The following MAST4 variants were observed in gnomAD, a reference collection of about 807,000 sequenced individuals.
The protein encoded by MAST4 is microtubule associated serine/threonine kinase family member 4.
Under a neutral mutation model 162.7 loss-of-function variants are expected in MAST4, and 89 were observed. The observed-to-expected ratio is 0.55, with a 90% CI of 0.46 to 0.65. MAST4 has a LOEUF of 0.65. Ranked by LOEUF, MAST4 falls within the 30% of genes least tolerant of loss-of-function variation. The pLI, the probability that MAST4 is intolerant of heterozygous loss-of-function variation, is 0.00. For missense variants in MAST4, 3,153 were observed against 3,374.0 expected (o/e 0.93, Z 1.62); for synonymous variants, 1,479 against 1,361.1 (o/e 1.09, Z -1.91).
At chr5:67,030,881 G>C (rs187506901) in intron 4 of MAST4, among the ~76,000 whole-genome samples, 22 of 152,214 alleles carry the variant, frequency 1.4e-4, no homozygotes, top group African/African-American at 5.1e-4. Context: ...AAGGTCATGG[G>C]TGTTGATTCT....
At chr5:66,751,114 A>G (rs532377904) in intron 1 of MAST4, among the ~76,000 whole-genome samples, 1 of 152,186 alleles carries the variant, frequency 6.6e-6, no homozygotes, top group East Asian at 1.9e-4. Flanking sequence ...ACTAACAAAC[A>G]GAAAGGACAT....
At position 67,160,606 on chromosome 5, in the gene MAST4, G is replaced by A. The variant is rs779861146; in HGVS notation, c.3785+14G>A. The A allele has an allele frequency of 3.1e-6, 5 of 1,611,496 alleles. No homozygotes were observed. The African/African-American group carries it at 6.7e-5, about 22-fold the overall frequency. On this transcript the variant is annotated intron_variant, in intron 27 of 28. Coordinates refer to ENST00000403625, the MANE Select transcript of MAST4 (RefSeq NM_001164664.2). ...AAGTCTCGAAAGGTTAGTAAAATCA[G>A]TATTCTTTTTAAGTTTGGTGTATAC...
At chr5:66,809,468 G>A (rs961905832) in intron 3 of MAST4, among the ~76,000 whole-genome samples, 1 of 152,138 alleles carries the variant, frequency 6.6e-6, no homozygotes, top group Admixed American at 6.5e-5. Flanking sequence ...TCCTGTTGTC[G>A]TGTTCCTTCC....
chr5:66,906,850 C>T (rs944654290), intron 4 of MAST4, among the ~76,000 whole-genome samples: 8 of 152,016 alleles, frequency 5.3e-5, no homozygotes, highest in Admixed American at 4.6e-4. Context: ...TGGTTAGGCA[C>T]AGTAAAGGGT....
At chr5:66,911,397 T>C (rs1763748869) in intron 4 of MAST4, among the ~76,000 whole-genome samples, 1 of 152,108 alleles carries the variant, frequency 6.6e-6, no homozygotes, top group African/African-American at 2.4e-5. Context: ...TTTTTTAGAT[T>C]GCAAACTCTA....
At chr5:67,030,987 A>C (rs769361700) in intron 4 of MAST4, among the ~76,000 whole-genome samples, 1 of 152,180 alleles carries the variant, frequency 6.6e-6, no homozygotes, top group Non-Finnish European at 1.5e-5. Flanking sequence ...TAAAGTGTGG[A>C]TAATGCTGCC....
chr5:66,620,728 A>C (rs540838041), intron 1 of MAST4, among the ~76,000 whole-genome samples: 2 of 150,664 alleles, frequency 1.3e-5, no homozygotes, highest in Non-Finnish European at 3.0e-5. Context: ...CTCTGTGTCT[A>C]TCTCTCTTTT....
chr5:66,983,755 T>C (rs1297380566), intron 4 of MAST4, among the ~76,000 whole-genome samples: 4 of 152,254 alleles, frequency 2.6e-5, no homozygotes, highest in African/African-American at 9.6e-5. Context: ...AGAGGTTTTA[T>C]GCCAGTGTTA....
At chr5:66,694,076 TG>T (rs1749235033) in intron 1 of MAST4, among the ~76,000 whole-genome samples, 1 of 152,208 alleles carries the variant, frequency 6.6e-6, no homozygotes, top group South Asian at 2.1e-4. Flanking sequence ...AAATTCACGG[TG>T]GCTGAGACTG....
intron 4 of MAST4, among the ~76,000 whole-genome samples, chr5:67,020,827 A>G (rs959715850): frequency 1.3e-5 from 2 of 152,194 alleles, no homozygotes; most frequent in African/African-American, 4.8e-5. Context: ...GTGTAGACAG[A>G]CTACAGCCTG....
chr5:66,946,582 T>A (rs1744052917), intron 4 of MAST4, among the ~76,000 whole-genome samples: 1 of 152,196 alleles, frequency 6.6e-6, no homozygotes, highest in Non-Finnish European at 1.5e-5. Flanking sequence ...TTTGTGCAGC[T>A]ATTCAAATTG....
At chr5:67,045,366 G>T (rs539823449) in intron 4 of MAST4, among the ~76,000 whole-genome samples, 1 of 152,160 alleles carries the variant, frequency 6.6e-6, no homozygotes. Context: ...CCAATGACAC[G>T]TGCTAATACT....
chr5:67,036,893 A>G (rs1756086358), intron 4 of MAST4, among the ~76,000 whole-genome samples: 1 of 152,186 alleles, frequency 6.6e-6, no homozygotes, highest in African/African-American at 2.4e-5. Context: ...TGGTGATAGT[A>G]TAGCTTGACT....
At chr5:67,016,176 A>G (rs998839311) in intron 4 of MAST4, among the ~76,000 whole-genome samples, 7 of 152,194 alleles carry the variant, frequency 4.6e-5, no homozygotes, top group African/African-American at 1.7e-4. Flanking sequence ...CTGTGGAGAC[A>G]GTTTGATATA....
intron 3 of MAST4, among the ~76,000 whole-genome samples, chr5:66,883,250 T>A (rs1229602340): frequency 1.3e-5 from 2 of 152,134 alleles, no homozygotes; most frequent in Non-Finnish European, 2.9e-5. Flanking sequence ...TTTCTTTCTG[T>A]CTTCACTCAT....
At chr5:67,114,520 A>C in intron 12 of MAST4, 1 of 281,258 alleles carries the variant, frequency 3.6e-6, no homozygotes, top group Non-Finnish European at 6.6e-6. Context: ...TTCACTGAGT[A>C]GTTTTTCTCT....
chr5:66,792,838 T>C (rs906008865), intron 3 of MAST4, among the ~76,000 whole-genome samples: 1 of 152,208 alleles, frequency 6.6e-6, no homozygotes, highest in Admixed American at 6.5e-5. Context: ...TATATTTTGA[T>C]TCATTGACTA....
chr5:67,018,323 A>C (rs1753560220), intron 4 of MAST4, among the ~76,000 whole-genome samples: 1 of 152,162 alleles, frequency 6.6e-6, no homozygotes. Flanking sequence ...TGAGCCCTGG[A>C]GTTCAAGACC....
At chr5:67,086,267 A>G (rs1369118001) in intron 5 of MAST4, among the ~76,000 whole-genome samples, 2 of 152,258 alleles carry the variant, frequency 1.3e-5, no homozygotes, top group Non-Finnish European at 2.9e-5. Context: ...TATTAAAAGC[A>G]CATTAATAAT....
Sources: allele counts gnomAD v4.1 joint callset (sites outside exome capture counted in the v4.1 genomes callset), GRCh38; gene constraint gnomAD v4.1.1; transcripts MANE v1.5; gene names NCBI Gene and HGNC (gene_info 2026-07-23, HGNC 2026-07-21).